SEL1L3: variants seen among roughly 807,000 people sequenced by gnomAD.
SEL1L3 encodes SEL1L family member 3.
In SEL1L3, 76 loss-of-function variants were observed where a neutral mutation model predicts 142.8. The ratio of observed to expected loss-of-function variants is 0.53; its 90% CI spans 0.44 to 0.64. The LOEUF (loss-of-function observed/expected upper bound fraction) is 0.64. SEL1L3 is among the 30% of genes least tolerant of loss of function. The pLI is 0.00. For synonymous variants in SEL1L3, 504 were observed against 519.6 expected (o/e 0.97, Z 0.41); for missense variants, 1,262 against 1,381.7 (o/e 0.91, Z 1.37).
At chr4:25,775,165 A>C (rs1719525674) in intron 17 of SEL1L3, among the ~76,000 whole-genome samples, 1 of 152,220 alleles carries the variant, frequency 6.6e-6, no homozygotes, top group African/African-American at 2.4e-5. Flanking sequence ...ATTGTAAGGT[A>C]CATTTACGAT....
chr4:25,766,566 AAAAGGC>A (rs1718749349), intron 19 of SEL1L3, among the ~76,000 whole-genome samples: 1 of 152,158 alleles, frequency 6.6e-6, no homozygotes, highest in Non-Finnish European at 1.5e-5. Flanking sequence ...GGGAGAGCTG[AAAAGGC>A]AAATGGAAAA....
Position 25,819,880 on chromosome 4 carries a change from A to T in SEL1L3, c.1351T>A (p.Cys451Ser). ...AEQIKLYYER[C>S]AEVQEIVSVY... The stretch of plus-strand genomic sequence containing the variant: ...GATACTATTTCTTGAACCTCAGCAC[A>T]CCTTTCATAATATAACTTGATTTGT... The change falls in exon 8 of 24, where the codon TGT (cysteine) becomes AGT (serine). Residue 451 changes from cysteine (C) to serine (S), a missense_variant. Around this residue, in one of 3 missense-constraint regions of SEL1L3, gnomAD observed 689 missense variants for 692.8 expected, o/e 0.99. Coordinates refer to ENST00000399878, the MANE Select transcript of SEL1L3 (RefSeq NM_015187.5). 1 of 1,613,288 alleles carries T rather than the reference A, an allele frequency of 6.2e-7. No individual in the cohort carries two copies. The highest frequency in any genetic ancestry group is 8.5e-7 in the Non-Finnish European group (1 of 1,179,564).
chr4:25,815,695 G>A (rs2109249066), intron 9 of SEL1L3, among the ~76,000 whole-genome samples: 1 of 151,974 alleles, frequency 6.6e-6, no homozygotes, highest in South Asian at 2.1e-4. Flanking sequence ...TGGGGCATGG[G>A]GCTTCGTCAC....
At chr4:25,771,146 A>G (rs1342990472) in intron 17 of SEL1L3, among the ~76,000 whole-genome samples, 2 of 152,258 alleles carry the variant, frequency 1.3e-5, no homozygotes, top group Non-Finnish European at 2.9e-5. Flanking sequence ...ACTTACATTC[A>G]TAGAACAAAC....
chr4:25,759,209 A>T, intron 20 of SEL1L3, 141 bp from the exon 21 acceptor site: 1 of 806,886 alleles, frequency 1.2e-6, no homozygotes, highest in Non-Finnish European at 1.9e-6. Context: ...ATCTTCATTG[A>T]TGAATTGTTT....
At chr4:25,741,380 G>C in the SEL1L3 span, among the ~76,000 whole-genome samples, 1 of 151,944 alleles carries the variant, frequency 6.6e-6, no homozygotes, top group South Asian at 2.1e-4. Context: ...GGATTACAGA[G>C]GTGAGCCACT....
At chr4:25,808,326 C>A (rs1024982580) in intron 9 of SEL1L3, among the ~76,000 whole-genome samples, 1 of 152,156 alleles carries the variant, frequency 6.6e-6, no homozygotes, top group African/African-American at 2.4e-5. Flanking sequence ...CACTAATTAC[C>A]CCTTACTATT....
chr4:25,782,427 TG>T lies in SEL1L3; in HGVS notation c.2281-10del. 1.9e-6 allele frequency: 3 copies of T among 1,608,506 alleles called. No individual in the cohort carries two copies. The highest frequency in any genetic ancestry group is 2.5e-6 in the Non-Finnish European group (3 of 1,177,796). On this transcript the variant is annotated splice_polypyrimidine_tract_variant and intron_variant, in intron 14 of 23. Transcript: ENST00000399878. ...ACTGCCTGATGCAATCCCTGAATTT[TG>T]GAACAAGAAAGAAATTAACTTTAGA... is the stretch of plus-strand genomic sequence containing the variant.
intron 6 of SEL1L3, 82 bp downstream of exon 6, chr4:25,830,016 C>T (rs1715333998): frequency 3.6e-6 from 3 of 842,118 alleles, no homozygotes; most frequent in East Asian, 5.2e-5. Flanking sequence ...TGTGGAATAA[C>T]ATTAGGGCTG....
intron 23 of SEL1L3, among the ~76,000 whole-genome samples, chr4:25,750,252 A>G (rs896310368): frequency 4.4e-4 from 67 of 151,634 alleles, no homozygotes; most frequent in African/African-American, 1.2e-3. Flanking sequence ...AAAAAAAAAA[A>G]AAAGAAAGAA....
At chr4:25,851,872 AGT>A (rs1716926090) in intron 1 of SEL1L3, among the ~76,000 whole-genome samples, 1 of 133,362 alleles carries the variant, frequency 7.5e-6, no homozygotes, top group Non-Finnish European at 1.5e-5. Flanking sequence ...CTGGCGACAG[AGT>A]GAGACTCTGT....
intron 17 of SEL1L3, chr4:25,773,593 T>C (rs1265077762): frequency 3.9e-5 from 6 of 152,166 alleles, no homozygotes; most frequent in Non-Finnish European, 8.8e-5. Flanking sequence ...AGCTGTTTGA[T>C]AAGCATCTAA....
At chr4:25,746,016 G>A (rs1356391919), downstream of SEL1L3, among the ~76,000 whole-genome samples, 2 of 152,124 alleles carry the variant, frequency 1.3e-5, no homozygotes, top group Admixed American at 1.3e-4. Context: ...GATATAGTTT[G>A]GATATTTGCT....
chr4:25,843,688 G>A (rs1006250296), intron 2 of SEL1L3, among the ~76,000 whole-genome samples: 4 of 152,226 alleles, frequency 2.6e-5, no homozygotes, highest in Middle Eastern at 3.2e-3. Context: ...GCAGTAACAC[G>A]TGCACCGGGG....
intron 20 of SEL1L3, among the ~76,000 whole-genome samples, chr4:25,762,024 C>A (rs1015695542): frequency 2.0e-5 from 3 of 152,202 alleles, no homozygotes; most frequent in African/African-American, 7.2e-5. Context: ...TCTCAGCTCA[C>A]TGTAACCTCC....
chr4:25,755,504 T>C (rs1453300832), intron 23 of SEL1L3, among the ~76,000 whole-genome samples: 1 of 152,146 alleles, frequency 6.6e-6, no homozygotes, highest in African/African-American at 2.4e-5. Context: ...TTTTTATGAT[T>C]GATCCTATCC....
At chr4:25,735,826 CTTT>C in the SEL1L3 span, among the ~76,000 whole-genome samples, 1 of 101,596 alleles carries the variant, frequency 9.8e-6, no homozygotes, top group Non-Finnish European at 2.0e-5. Context: ...TCTAACTATT[CTTT>C]TTTTTTTTTT....
intron 23 of SEL1L3, chr4:25,756,956 T>C: frequency 8.0e-7 from 1 of 1,255,716 alleles, no homozygotes; most frequent in Non-Finnish European, 1.0e-6. Context: ...GTCAGTTTCT[T>C]AGGCTTTTTA....
chr4:25,814,355 T>G (rs1024196506), intron 9 of SEL1L3, among the ~76,000 whole-genome samples: 1 of 152,208 alleles, frequency 6.6e-6, no homozygotes, highest in Non-Finnish European at 1.5e-5. Flanking sequence ...TGAAAGGTTG[T>G]GAGTGACTTC....
Sources: allele counts gnomAD v4.1 joint callset (sites outside exome capture counted in the v4.1 genomes callset), GRCh38; gene constraint gnomAD v4.1.1; regional missense constraint gnomAD v4.1.1; transcripts MANE v1.5; gene names NCBI Gene and HGNC (gene_info 2026-07-23, HGNC 2026-07-21).